The following TMEM233 variants were observed in gnomAD, a reference collection of about 807,000 sequenced individuals.
TMEM233 encodes dispanin subfamily B member 2.
Under a neutral mutation model 11.2 loss-of-function variants are expected in TMEM233, and 6 were observed. That is an observed-to-expected ratio of 0.54 (90% confidence interval 0.29 to 1.06). The LOEUF is 1.06. Among genes scored for constraint, TMEM233 ranks in the 50% least tolerant of loss-of-function variants. The pLI is 0.08. For synonymous variants in TMEM233, 59 were observed against 55.8 expected (o/e 1.06, Z -0.26); for missense variants, 127 against 144.7 (o/e 0.88, Z 0.63).
chr12:119,612,244 C>T (rs958778771), intron 1 of TMEM233, among the ~76,000 whole-genome samples: 18 of 152,054 alleles, frequency 1.2e-4, no homozygotes, highest in African/African-American at 3.6e-4. Context: ...TCCCCCACCT[C>T]GCACTCCCAA....
At chr12:119,613,350 T>C (rs1010707749) in intron 1 of TMEM233, among the ~76,000 whole-genome samples, 10 of 152,092 alleles carry the variant, frequency 6.6e-5, no homozygotes, top group African/African-American at 1.9e-4. Context: ...AATGAATACA[T>C]TGAGATATGG....
intron 1 of TMEM233, among the ~76,000 whole-genome samples, chr12:119,605,078 C>T (rs1954245401): frequency 6.7e-6 from 1 of 150,288 alleles, no homozygotes; most frequent in African/African-American, 2.5e-5. Flanking sequence ...ATCTTCTATT[C>T]CCCCAACTAA....
Position 119,640,746 on chromosome 12 carries a change from C to G in TMEM233, c.*41C>G. The G allele has an allele frequency of 6.5e-7, 1 of 1,549,356 alleles. No individual in the cohort carries two copies. The highest frequency in any genetic ancestry group is 8.7e-7 in the Non-Finnish European group (1 of 1,145,786). On this transcript the variant is annotated 3_prime_UTR_variant, in exon 3 of 3. Coordinates refer to ENST00000426426, the MANE Select transcript of TMEM233 (RefSeq NM_001136534.3). ...TGGGCTGTGAGCGTGGAGGATGGAC[C>G]TCATCCACACACACCCCAAAGGAGT...
At chr12:119,628,826 TGAGA>T (rs1297559919) in intron 1 of TMEM233, among the ~76,000 whole-genome samples, 3 of 152,096 alleles carry the variant, frequency 2.0e-5, no homozygotes, top group Admixed American at 2.0e-4. Flanking sequence ...AATTCTTTCC[TGAGA>T]GAGGTCAAAA....
intron 1 of TMEM233, among the ~76,000 whole-genome samples, chr12:119,596,785 GC>G (rs760552455): frequency 6.6e-6 from 1 of 152,068 alleles, no homozygotes; most frequent in Non-Finnish European, 1.5e-5. Flanking sequence ...GAGCCACTGC[GC>G]CCGGCCAAGT....
intron 1 of TMEM233, among the ~76,000 whole-genome samples, chr12:119,607,865 C>T (rs1954315805): frequency 6.6e-6 from 1 of 152,138 alleles, no homozygotes; most frequent in South Asian, 2.1e-4. Context: ...GGATTACAGG[C>T]GTGAGCCACC....
intron 1 of TMEM233, among the ~76,000 whole-genome samples, chr12:119,601,518 C>T (rs1025567184): frequency 6.6e-6 from 1 of 151,908 alleles, no homozygotes; most frequent in Non-Finnish European, 1.5e-5. Flanking sequence ...ATTAGCCAGG[C>T]GTGGTGGCGG....
downstream of TMEM233, among the ~76,000 whole-genome samples, chr12:119,646,824 T>C (rs1300111933): frequency 6.6e-6 from 1 of 152,248 alleles, no homozygotes; most frequent in African/African-American, 2.4e-5. Context: ...TAATTCCATC[T>C]GCTCCCTTAA....
At chr12:119,596,681 C>G (rs1301719627) in intron 1 of TMEM233, among the ~76,000 whole-genome samples, 3 of 151,850 alleles carry the variant, frequency 2.0e-5, no homozygotes, top group African/African-American at 7.3e-5. Context: ...TTAGTAGAGA[C>G]AGGGTTTGAC....
At chr12:119,622,204 T>C (rs1593297289) in intron 1 of TMEM233, among the ~76,000 whole-genome samples, 1 of 152,204 alleles carries the variant, frequency 6.6e-6, no homozygotes, top group Admixed American at 6.5e-5. Context: ...GGAGAAAGTG[T>C]CAGTTTTCTT....
Position 119,595,455 on chromosome 12 carries a change from A to C in TMEM233, c.186+1421A>C, listed in dbSNP as rs1954023316. ...TGCACCCGTAACTTGCCCTTTCCCA[A>C]ACCCGGTTTGTGGACAGCGTCTGCA... On this transcript the variant is annotated intron_variant, in intron 1 of 2. Coordinates refer to ENST00000426426, the MANE Select transcript of TMEM233 (RefSeq NM_001136534.3). The surrounding 1 kb of genome is among the most constrained non-coding windows in gnomAD (Gnocchi z 4.3). Among the ~76,000 whole-genome samples the C allele has an allele frequency of 6.6e-6, 1 of 152,148 alleles. No homozygotes were observed. Among genetic ancestry groups the C allele is most frequent in the Admixed American group, 6.5e-5 (1 of 15,272 alleles).
At position 119,593,810 on chromosome 12, in the gene TMEM233, G is replaced by C; in HGVS notation, c.-39G>C. On this transcript the variant is annotated 5_prime_UTR_variant, in exon 1 of 3. Coordinates refer to ENST00000426426, the MANE Select transcript of TMEM233 (RefSeq NM_001136534.3). The surrounding 1 kb of genome is among the most constrained non-coding windows in gnomAD (Gnocchi z 4.1). ...GCCAGAGCCCCAGACCACACAGACC[G>C]TGCGCTCCTCCGCCCTCCCGGCGCC... The C allele has an allele frequency of 6.5e-7, 1 of 1,543,160 alleles. No homozygotes were observed. The highest frequency in any genetic ancestry group is 8.8e-7 in the Non-Finnish European group (1 of 1,141,848).
chr12:119,653,164 T>C, the TMEM233 span, among the ~76,000 whole-genome samples: 8 of 151,766 alleles, frequency 5.3e-5, no homozygotes, highest in African/African-American at 1.9e-4. Flanking sequence ...GAGGCCGAGG[T>C]GGATGGATCA....
intron 1 of TMEM233, among the ~76,000 whole-genome samples, chr12:119,613,096 G>A (rs939020775): frequency 9.9e-5 from 15 of 151,660 alleles, no homozygotes; most frequent in African/African-American, 3.6e-4. Flanking sequence ...TTCTCCTAAT[G>A]CTATGCCTCC....
intron 2 of TMEM233, among the ~76,000 whole-genome samples, chr12:119,636,047 T>C (rs1954964892): frequency 6.6e-6 from 1 of 152,164 alleles, no homozygotes; most frequent in African/African-American, 2.4e-5. Context: ...TCACTGGCCA[T>C]TGGTGCCCAA....
At chr12:119,638,621 C>A (rs1955015829) in intron 2 of TMEM233, among the ~76,000 whole-genome samples, 1 of 152,160 alleles carries the variant, frequency 6.6e-6, no homozygotes, top group Admixed American at 6.5e-5. Flanking sequence ...AGACGTGCAA[C>A]GATGTTCATT....
rs1954014292 is a variant in TMEM233 at position 119,595,188 on chromosome 12, G to A, written c.186+1154G>A. Among the ~76,000 whole-genome samples, 1 of 152,210 alleles carries A rather than the reference G, an allele frequency of 6.6e-6. No individual in the cohort carries two copies. Among genetic ancestry groups the A allele is most frequent in the South Asian group, 2.1e-4 (1 of 4,832 alleles). On this transcript the variant is annotated intron_variant, in intron 1 of 2. Coordinates refer to ENST00000426426, the MANE Select transcript of TMEM233 (RefSeq NM_001136534.3). The surrounding 1 kb of genome is among the most constrained non-coding windows in gnomAD (Gnocchi z 4.3). Reference sequence around the variant, plus strand: ...CCTTATTGACTGCAGCAGCTGGCCCGGGGGTGGCGGCGGGGTGAGGTTCGT... The same window carrying A: ...CCTTATTGACTGCAGCAGCTGGCCCAGGGGTGGCGGCGGGGTGAGGTTCGT...
intron 1 of TMEM233, among the ~76,000 whole-genome samples, chr12:119,603,073 G>A (rs922340810): frequency 6.6e-6 from 1 of 151,886 alleles, no homozygotes; most frequent in Non-Finnish European, 1.5e-5. Context: ...TGGGTAACAT[G>A]ATAAAACCCC....
intron 1 of TMEM233, among the ~76,000 whole-genome samples, chr12:119,606,762 T>C (rs1039007240): frequency 2.0e-5 from 3 of 152,198 alleles, no homozygotes; most frequent in Non-Finnish European, 4.4e-5. Context: ...ATAAAATGAG[T>C]TCCTAAACAT....
Sources: allele counts gnomAD v4.1 joint callset (sites outside exome capture counted in the v4.1 genomes callset), GRCh38; gene constraint gnomAD v4.1.1; non-coding constraint Gnocchi (gnomAD v3.1); transcripts MANE v1.5; gene names NCBI Gene and HGNC (gene_info 2026-07-23, HGNC 2026-07-21).